The following MSH3 variants were observed in gnomAD, a reference collection of about 807,000 sequenced individuals.
The protein encoded by MSH3 is DNA mismatch repair protein Msh3.
A neutral mutation model predicts 123.3 loss-of-function variants in MSH3; 106 were observed. The observed-to-expected ratio is 0.86, with a 90% confidence interval of 0.73 to 1.01. The LOEUF (loss-of-function observed/expected upper bound fraction) is 1.01, where lower values mean the gene tolerates loss of function less well. Ranked by LOEUF, MSH3 falls within the 50% of genes least tolerant of loss-of-function variation. The pLI is 0.00. For synonymous variants in MSH3, 515 were observed against 481.4 expected (o/e 1.07, Z -0.91); for missense variants, 1,459 against 1,347.6 (o/e 1.08, Z -1.29).
At chr5:80,659,785 C>T (rs528945215) in intron 2 of MSH3, among the ~76,000 whole-genome samples, 1 of 152,156 alleles carries the variant, frequency 6.6e-6, no homozygotes, top group Non-Finnish European at 1.5e-5. Context: ...CACTGACTCA[C>T]TGTAACCCCC....
chr5:80,657,767 G>T (rs1423836172), intron 2 of MSH3, among the ~76,000 whole-genome samples: 1 of 152,138 alleles, frequency 6.6e-6, no homozygotes, highest in Admixed American at 6.5e-5. Flanking sequence ...GAAAGTGTTA[G>T]TATGAAATAA....
rs1326893330 is a variant in MSH3, at chr5:80,775,560, G to C, written c.2254-134G>C. 1.3e-5 allele frequency: 8 copies of C among 628,740 alleles called. No homozygotes were observed. In the East Asian group the frequency reaches 1.7e-4, roughly 13 times the overall value. 38.9% of individuals were successfully genotyped at this position (628,740 alleles called of 1,614,324 possible). ...ATTTGTCTGTATTGACATATATACA[G>C]TCTGAAAAACAATACTGGACTTATC... On this transcript the variant is annotated intron_variant, in intron 15 of 23. Coordinates refer to ENST00000265081, the MANE Select transcript of MSH3 (RefSeq NM_002439.5).
rs200404240 is a variant in MSH3, at chr5:80,664,590, T to C, written c.359-553T>C. Among the ~76,000 whole-genome samples, 17 of 152,306 alleles carry C rather than the reference T, an allele frequency of 1.1e-4. No individual in the cohort carries two copies. In the East Asian group the frequency reaches 2.9e-3, roughly 26 times the overall value. On this transcript the variant is annotated intron_variant, in intron 2 of 23. Coordinates refer to ENST00000265081, the MANE Select transcript of MSH3 (RefSeq NM_002439.5). ...TGATGTGGAGGAAGGACAGTTGTCT[T>C]TGAGCTTGGAGTATGGTAGGGGTTT...
At chr5:80,762,882 C>T (rs1307568563) in intron 13 of MSH3, among the ~76,000 whole-genome samples, 1 of 146,560 alleles carries the variant, frequency 6.8e-6, no homozygotes, top group African/African-American at 2.6e-5. Context: ...CTTTTACTCT[C>T]GTCACCCAGG....
chr5:80,677,658 A>G (rs1434367037), intron 7 of MSH3, among the ~76,000 whole-genome samples: 1 of 152,214 alleles, frequency 6.6e-6, no homozygotes, highest in Non-Finnish European at 1.5e-5. Flanking sequence ...AGGTGTCTGT[A>G]ATCCAGACTT....
intron 8 of MSH3, among the ~76,000 whole-genome samples, chr5:80,680,879 TTTTTATTATATTCATTTTTC>T (rs943419399): frequency 9.8e-5 from 15 of 152,302 alleles, no homozygotes; most frequent in Middle Eastern, 3.4e-3. Context: ...ATCCATTCCA[TTTTTATTATATTCATTTTTC>T]CAGTATTATA....
At chr5:80,754,256 C>G (rs1743884789) in intron 12 of MSH3, among the ~76,000 whole-genome samples, 1 of 151,884 alleles carries the variant, frequency 6.6e-6, no homozygotes, top group South Asian at 2.1e-4. Context: ...TTCCAGAAAC[C>G]TTTTGTTTAA....
intron 10 of MSH3, among the ~76,000 whole-genome samples, chr5:80,738,110 C>T (rs1192993749): frequency 6.6e-6 from 1 of 152,180 alleles, no homozygotes; most frequent in Non-Finnish European, 1.5e-5. Context: ...CCTTTGCTCT[C>T]TAAAGGTCTG....
At chr5:80,656,656 C>T in intron 2 of MSH3, 125 bp downstream of exon 2, 6 of 1,340,028 alleles carry the variant, frequency 4.5e-6, no homozygotes, top group Admixed American at 1.9e-5. Flanking sequence ...CCTTTTGTTC[C>T]TGAGCAGAGT....
chr5:80,813,359 T>G (rs1745042382), intron 19 of MSH3, among the ~76,000 whole-genome samples: 1 of 152,234 alleles, frequency 6.6e-6, no homozygotes, highest in African/African-American at 2.4e-5. Context: ...CCACTTCTGG[T>G]CTTATTTCCT....
intron 8 of MSH3, among the ~76,000 whole-genome samples, chr5:80,717,496 A>G (rs1254073668): frequency 6.6e-6 from 1 of 152,142 alleles, no homozygotes; most frequent in African/African-American, 2.4e-5. Flanking sequence ...TCCTGGCCTC[A>G]AGCTTTAGCT....
At chr5:80,691,395 G>T (rs1477420061) in intron 8 of MSH3, among the ~76,000 whole-genome samples, 2 of 151,764 alleles carry the variant, frequency 1.3e-5, no homozygotes, top group East Asian at 3.8e-4. Context: ...AGAAAATAAG[G>T]TCTTAACGAA....
chr5:80,702,002 G>A (rs1238852831), intron 8 of MSH3, among the ~76,000 whole-genome samples: 1 of 150,692 alleles, frequency 6.6e-6, no homozygotes, highest in Non-Finnish European at 1.5e-5. Context: ...CCTTCTTTCT[G>A]AAAAAACAAC....
chr5:80,842,156 G>A (rs1276944862), intron 20 of MSH3, among the ~76,000 whole-genome samples: 56 of 152,140 alleles, frequency 3.7e-4, no homozygotes, highest in African/African-American at 1.3e-3. Flanking sequence ...CATTTATTAA[G>A]TAGGGAATCC....
At chr5:80,688,039 A>G (rs1231585719) in intron 8 of MSH3, among the ~76,000 whole-genome samples, 3 of 152,312 alleles carry the variant, frequency 2.0e-5, no homozygotes, top group South Asian at 2.1e-4. Flanking sequence ...ATAACCAATG[A>G]TGTGAGCTAA....
At chr5:80,669,122 G>GT (rs961005425) in intron 3 of MSH3, among the ~76,000 whole-genome samples, 6 of 152,130 alleles carry the variant, frequency 3.9e-5, no homozygotes, top group East Asian at 3.9e-4. Context: ...AATAAATTGA[G>GT]TTTTTTTTGA....
chr5:80,835,500 C>T (rs1229816746), intron 20 of MSH3, among the ~76,000 whole-genome samples: 1 of 151,752 alleles, frequency 6.6e-6, no homozygotes, highest in Non-Finnish European at 1.5e-5. Flanking sequence ...TTTTTTTTTA[C>T]ATATACTTCA....
intron 20 of MSH3, among the ~76,000 whole-genome samples, chr5:80,835,487 C>T (rs1016814873): frequency 4.6e-5 from 7 of 151,810 alleles, no homozygotes; most frequent in Non-Finnish European, 1.0e-4. Context: ...GCAGCAATAG[C>T]ATTTTTTTTT....
rs552569523 is a variant in MSH3, at chr5:80,746,104, A to C, written c.1763+1489A>C. 1.1e-4 allele frequency among the ~76,000 whole-genome samples: 16 copies of C among 152,292 alleles called. 1 individual carries two copies. Among genetic ancestry groups the C allele is most frequent in the African/African-American group, 3.9e-4 (16 of 41,548 alleles). On this transcript the variant is annotated intron_variant, in intron 12 of 23. Transcript: ENST00000265081. The stretch of plus-strand genomic sequence containing the variant: ...ATGCCACCTTCTATAGAAAACGCAC[A>C]GTACAGTTTTATTCAGAGCAAAGAA...
Sources: gnomAD v4.1 joint callset for allele counts (sites outside exome capture counted in the v4.1 genomes callset) on GRCh38, gnomAD v4.1.1 for gene constraint, MANE v1.5 for transcripts, NCBI Gene and HGNC (gene_info 2026-07-23, HGNC 2026-07-21) for gene names.